Variants in EYS observed in about 807,000 individuals in gnomAD.
The protein encoded by EYS is EGF-like photoreceptor maintenance factor.
Under a neutral mutation model 282.1 loss-of-function variants are expected in EYS, and 250 were observed. The ratio of observed to expected loss-of-function variants is 0.89; its 90% CI spans 0.80 to 0.98. The LOEUF is 0.98. Ranked by LOEUF, EYS falls within the 50% of genes least tolerant of loss-of-function variation. EYS has a pLI of 0.00. For missense variants in EYS, 4,016 were observed against 3,709.0 expected (o/e 1.08, Z -2.15); for synonymous variants, 1,355 against 1,282.9 (o/e 1.06, Z -1.20).
rs926717431 is a variant in EYS, at chr6:64,209,052, A to T, written c.6424+21540T>A. Among the ~76,000 whole-genome samples the T allele has an allele frequency of 5.3e-5, 8 of 152,276 alleles. No individual in the cohort carries two copies. The South Asian group carries it at 1.0e-3, about 20-fold the overall frequency. On this transcript the variant is annotated intron_variant, in intron 31 of 42. Transcript: ENST00000503581. ...ATTTTGCATTGACATTTCAGCATTAAGGGAATATTTTTACTATCTAAAAAT... is the reference window on the plus strand; with the variant it reads ...ATTTTGCATTGACATTTCAGCATTATGGGAATATTTTTACTATCTAAAAAT...
intron 35 of EYS, among the ~76,000 whole-genome samples, chr6:63,956,474 G>T (rs1033542985): frequency 6.6e-6 from 1 of 152,084 alleles, no homozygotes; most frequent in African/African-American, 2.4e-5. Flanking sequence ...AAGCTTTATC[G>T]CTCACACAAA....
intron 26 of EYS, among the ~76,000 whole-genome samples, chr6:64,464,659 A>C (rs1350723887): frequency 2.6e-5 from 4 of 152,082 alleles, no homozygotes; most frequent in Non-Finnish European, 5.9e-5. Flanking sequence ...CTATACAAAA[A>C]AGAAGTCAAG....
At chr6:64,745,528 C>T (rs1772528841) in intron 22 of EYS, among the ~76,000 whole-genome samples, 1 of 123,422 alleles carries the variant, frequency 8.1e-6, no homozygotes, top group Non-Finnish European at 1.9e-5. Flanking sequence ...TTTTCATAAC[C>T]TTCCAAAAAT....
intron 7 of EYS, among the ~76,000 whole-genome samples, chr6:65,396,597 T>G (rs1465336443): frequency 6.6e-6 from 1 of 152,126 alleles, no homozygotes; most frequent in Non-Finnish European, 1.5e-5. Context: ...CCTAGCTATT[T>G]CTGACGGGTA....
chr6:64,755,221 T>C (rs1002813130), intron 22 of EYS, among the ~76,000 whole-genome samples: 1 of 152,074 alleles, frequency 6.6e-6, no homozygotes, highest in African/African-American at 2.4e-5. Flanking sequence ...AAATGTTCTA[T>C]GAATACATTT....
At chr6:65,457,685 A>G (rs1290858111) in intron 5 of EYS, among the ~76,000 whole-genome samples, 1 of 152,306 alleles carries the variant, frequency 6.6e-6, no homozygotes, top group South Asian at 2.1e-4. Flanking sequence ...AAAAAAATCA[A>G]GTTTACCCTA....
intron 31 of EYS, among the ~76,000 whole-genome samples, chr6:64,089,554 C>T (rs1455798500): frequency 3.3e-5 from 5 of 150,388 alleles, no homozygotes; most frequent in Non-Finnish European, 7.4e-5. Context: ...ACTTTTTTAC[C>T]ACATTATACA....
chr6:64,327,892 C>A lies in EYS; in HGVS notation c.6079-20810G>T, dbSNP rs1012836520. On this transcript the variant is annotated intron_variant, in intron 29 of 42. Transcript: ENST00000503581. Reference sequence around the variant, plus strand: ...AGAAGAAAGCACCCCTCAGGCAACACCATGCAGAGAGGAGCCAGAGCCCTT... The same window carrying A: ...AGAAGAAAGCACCCCTCAGGCAACAACATGCAGAGAGGAGCCAGAGCCCTT... 2.0e-5 allele frequency among the ~76,000 whole-genome samples: 3 copies of A among 152,232 alleles called. No homozygotes were observed. In the East Asian group the frequency reaches 5.8e-4, roughly 30 times the overall value.
At chr6:64,639,895 A>C (rs927041629) in intron 22 of EYS, among the ~76,000 whole-genome samples, 1 of 123,314 alleles carries the variant, frequency 8.1e-6, no homozygotes, top group Non-Finnish European at 1.7e-5. Context: ...CCCATCAAAA[A>C]GTGGGCAAAG....
intron 22 of EYS, among the ~76,000 whole-genome samples, chr6:64,630,587 T>A (rs1562100676): frequency 6.6e-6 from 1 of 152,212 alleles, no homozygotes; most frequent in Non-Finnish European, 1.5e-5. Context: ...AGTGTTAAAA[T>A]AGTGAACTAT....
At chr6:65,258,828 A>G (rs1419095069) in intron 12 of EYS, among the ~76,000 whole-genome samples, 2 of 152,106 alleles carry the variant, frequency 1.3e-5, no homozygotes, top group Non-Finnish European at 1.5e-5. Flanking sequence ...GTTTTTGACC[A>G]TTTGAAATTA....
At chr6:64,418,586 C>T (rs550880623) in intron 28 of EYS, among the ~76,000 whole-genome samples, 2 of 152,254 alleles carry the variant, frequency 1.3e-5, no homozygotes, top group South Asian at 4.2e-4. Flanking sequence ...CATAAAATCA[C>T]AGGGAGAGAG....
At chr6:65,172,980 T>C (rs1316047966) in intron 12 of EYS, among the ~76,000 whole-genome samples, 1 of 126,270 alleles carries the variant, frequency 7.9e-6, no homozygotes, top group Non-Finnish European at 1.6e-5. Context: ...AGCCTGGAAA[T>C]TTAAAAAAAA....
intron 18 of EYS, 98 bp from the exon 19 acceptor site, chr6:64,886,940 T>G (rs1767109628): frequency 1.3e-6 from 1 of 772,448 alleles, no homozygotes; most frequent in South Asian, 2.4e-5. Flanking sequence ...GACATTCAAC[T>G]TAATTGAAAT....
intron 26 of EYS, among the ~76,000 whole-genome samples, chr6:64,494,755 T>C (rs935028340): frequency 6.6e-6 from 1 of 151,700 alleles, no homozygotes; most frequent in Non-Finnish European, 1.5e-5. Flanking sequence ...CTCATGAATG[T>C]TATATTCTTT....
chr6:65,535,446 C>G (rs1333752633), intron 2 of EYS, among the ~76,000 whole-genome samples: 1 of 152,096 alleles, frequency 6.6e-6, no homozygotes, highest in Admixed American at 6.6e-5. Flanking sequence ...CACAAGCCCT[C>G]TTGCCTGCTG....
intron 35 of EYS, among the ~76,000 whole-genome samples, chr6:63,887,314 G>GTTTTTTTTTTTTTTTTTTTTTTTT (rs35622877): frequency 8.3e-6 from 1 of 120,236 alleles, no homozygotes. Context: ...AATAAAAGGT[G>GTTTTTTTTTTTTTTTTTTTTTTTT]TTTTTTTTTT....
chr6:65,324,622 A>C (rs1769568309), intron 11 of EYS, among the ~76,000 whole-genome samples: 1 of 152,194 alleles, frequency 6.6e-6, no homozygotes, highest in African/African-American at 2.4e-5. Context: ...AAGAAGAGAA[A>C]GCATAGAGAA....
chr6:64,186,561 C>A (rs867155421), intron 31 of EYS, among the ~76,000 whole-genome samples: 5 of 151,932 alleles, frequency 3.3e-5, no homozygotes, highest in Admixed American at 1.3e-4. Context: ...ACTTTTTGGA[C>A]CCCTTAAAAG....
Sources: allele counts gnomAD v4.1 joint callset (sites outside exome capture counted in the v4.1 genomes callset), GRCh38; gene constraint gnomAD v4.1.1; transcripts MANE v1.5; gene names NCBI Gene and HGNC (gene_info 2026-07-23, HGNC 2026-07-21).